The following NR5A1 variants were observed in gnomAD, a reference collection of about 807,000 sequenced individuals.
NR5A1 encodes the protein steroidogenic factor 1.
In NR5A1, 6 loss-of-function variants were observed where a neutral mutation model predicts 42.7. The observed-to-expected ratio is 0.14, with a 90% CI of 0.08 to 0.28. The LOEUF is 0.28. Ranked by LOEUF, NR5A1 falls within the 10% of genes least tolerant of loss-of-function variation. NR5A1 has a pLI of 1.00. For missense variants in NR5A1, 442 were observed against 626.4 expected (o/e 0.71, Z 3.14); for synonymous variants, 274 against 277.5 (o/e 0.99, Z 0.12).
At position 124,496,871 on chromosome 9, in the gene NR5A1, T is replaced by C. The variant is rs1832397554; in HGVS notation, c.870+3219A>G. ...GGTCCTCCCTTGCATCCTCCCAGCC[T>C]GTCCTTCGCAGTAAGTGACGAGAGG... On this transcript the variant is annotated intron_variant, in intron 4 of 6. Coordinates refer to ENST00000373588, the MANE Select transcript of NR5A1 (RefSeq NM_004959.5). This position sits in a 1 kb window ranked among gnomAD's most constrained non-coding sequence, Gnocchi z 5.0. Among the ~76,000 whole-genome samples the C allele has an allele frequency of 6.6e-6, 1 of 152,256 alleles. No homozygotes were observed. Among genetic ancestry groups the C allele is most frequent in the South Asian group, 2.1e-4 (1 of 4,836 alleles).
Position 124,503,477 on chromosome 9 carries a change from GC to G in NR5A1, c.-15-68del. The stretch of plus-strand genomic sequence containing the variant: ...GCAGCCTGGGGTCCCCGCGGCCGCC[GC>G]CCCAGCCGCTGTCGCCGGCCCGTCG... On this transcript the variant is annotated intron_variant, in intron 1 of 6. Transcript: ENST00000373588. The surrounding 1 kb of genome is among the most constrained non-coding windows in gnomAD (Gnocchi z 9.6). 2 of 1,330,104 alleles carry G rather than the reference GC, an allele frequency of 1.5e-6. No homozygotes were observed. The highest frequency in any genetic ancestry group is 2.1e-6 in the Non-Finnish European group (2 of 973,672). 82.4% of individuals were successfully genotyped at this position (1,330,104 alleles called of 1,614,324 possible).
At chr9:124,483,622 C>G (rs762704171) in intron 6 of NR5A1, among the ~76,000 whole-genome samples, 2 of 152,212 alleles carry the variant, frequency 1.3e-5, no homozygotes, top group African/African-American at 2.4e-5. Flanking sequence ...CAACACCATC[C>G]CCCTGGCACG....
At chr9:124,494,669 C>G (rs1396811728) in intron 4 of NR5A1, among the ~76,000 whole-genome samples, 1 of 152,064 alleles carries the variant, frequency 6.6e-6, no homozygotes, top group Non-Finnish European at 1.5e-5. Flanking sequence ...CACTGCCCAC[C>G]TGGGGCCAGA....
In NR5A1 at chr9:124,500,858, T is replaced by C; in HGVS notation, c.245-143A>G. On this transcript the variant is annotated intron_variant, in intron 3 of 6. Coordinates refer to ENST00000373588, the MANE Select transcript of NR5A1 (RefSeq NM_004959.5). The surrounding 1 kb of genome is among the most constrained non-coding windows in gnomAD (Gnocchi z 6.9). Reference sequence around the variant, plus strand: ...TGGCTCCCACTGACCACAGGGGAAGTCAGTCTCCTTTGCCTGGCATTCAAG... The same window carrying C: ...TGGCTCCCACTGACCACAGGGGAAGCCAGTCTCCTTTGCCTGGCATTCAAG... 1 of 1,322,716 alleles carries C rather than the reference T, an allele frequency of 7.6e-7. No individual in the cohort carries two copies. Among genetic ancestry groups the C allele is most frequent in the Non-Finnish European group, 1.1e-6 (1 of 933,024 alleles). The allele number at this position is 1,322,716 out of a possible 1,614,324, so 81.9% of individuals were successfully genotyped here. A position where few individuals can be genotyped will look rare whatever the true frequency, so the allele number is the denominator to read the frequency against.
At position 124,498,895 on chromosome 9, in the gene NR5A1, G is replaced by A. The variant is rs533246845; in HGVS notation, c.870+1195C>T. ...CAGTCCCGCGATGCCCCTAGGGCTCGGAGCACCCACCCCCACCTACCAGCC... is the reference window on the plus strand; with the variant it reads ...CAGTCCCGCGATGCCCCTAGGGCTCAGAGCACCCACCCCCACCTACCAGCC... On this transcript the variant is annotated intron_variant, in intron 4 of 6. Coordinates refer to ENST00000373588, the MANE Select transcript of NR5A1 (RefSeq NM_004959.5). This position sits in a 1 kb window ranked among gnomAD's most constrained non-coding sequence, Gnocchi z 4.6. 2.6e-5 allele frequency among the ~76,000 whole-genome samples: 4 copies of A among 152,164 alleles called. No homozygotes were observed. Among genetic ancestry groups the A allele is most frequent in the African/African-American group, 4.8e-5 (2 of 41,446 alleles).
chr9:124,494,472 C>A (rs1208979529), intron 4 of NR5A1, among the ~76,000 whole-genome samples: 1 of 152,232 alleles, frequency 6.6e-6, no homozygotes, highest in Non-Finnish European at 1.5e-5. Context: ...GAGGCCCTCT[C>A]CACCCTCTGG....
chr9:124,503,015 C>T lies in NR5A1; in HGVS notation c.244+64G>A. On this transcript the variant is annotated intron_variant, in intron 3 of 6. Coordinates refer to ENST00000373588, the MANE Select transcript of NR5A1 (RefSeq NM_004959.5). This position sits in a 1 kb window ranked among gnomAD's most constrained non-coding sequence, Gnocchi z 9.6. The stretch of plus-strand genomic sequence containing the variant: ...GGTACTATCCCCTCAGCCCCTCTCC[C>T]ACCCCCACCCCCTACCCCCTCAGGC... 1 of 1,526,054 alleles carries T rather than the reference C, an allele frequency of 6.6e-7. No individual in the cohort carries two copies. Among genetic ancestry groups the T allele is most frequent in the Non-Finnish European group, 8.8e-7 (1 of 1,141,482 alleles). 94.5% of individuals were successfully genotyped at this position (1,526,054 alleles called of 1,614,324 possible). A position where few individuals can be genotyped will look rare whatever the true frequency, so the allele number is the denominator to read the frequency against.
chr9:124,502,485 A>G (rs1832485258), intron 3 of NR5A1, among the ~76,000 whole-genome samples: 1 of 151,964 alleles, frequency 6.6e-6, no homozygotes. Flanking sequence ...ACATGTCACC[A>G]CGCCCAGCTA....
rs1480296933 is a variant in NR5A1, at chr9:124,498,206, G to A, written c.870+1884C>T. Among the ~76,000 whole-genome samples, 6 of 152,092 alleles carry A rather than the reference G, an allele frequency of 3.9e-5. No individual in the cohort carries two copies. The highest frequency in any genetic ancestry group is 1.4e-4 in the African/African-American group (6 of 41,408). On this transcript the variant is annotated intron_variant, in intron 4 of 6. Transcript: ENST00000373588. The surrounding 1 kb of genome is among the most constrained non-coding windows in gnomAD (Gnocchi z 4.6). ...CCACTTTTCTGTCTCCTCACCTCTG[G>A]ACTTTGCAAAGAGACACCAGCCCAG... is the stretch of plus-strand genomic sequence containing the variant.
In NR5A1 at chr9:124,482,431, C is replaced by G. The variant is rs1250221558; in HGVS notation, c.*327G>C. On this transcript the variant is annotated 3_prime_UTR_variant, in exon 7 of 7. Coordinates refer to ENST00000373588, the MANE Select transcript of NR5A1 (RefSeq NM_004959.5). The stretch of plus-strand genomic sequence containing the variant: ...CCACCAGGGAATCCCGAACCTCCTC[C>G]CCGGACCTGCAGGCTTCAGACTCCA... 2.5e-6 allele frequency: 1 copy of G among 400,854 alleles called. No homozygotes were observed. The highest frequency in any genetic ancestry group is 4.7e-6 in the Non-Finnish European group (1 of 210,686). 24.8% of individuals were successfully genotyped at this position (400,854 alleles called of 1,614,324 possible).
At chr9:124,490,037 T>G (rs1166402964) in intron 6 of NR5A1, among the ~76,000 whole-genome samples, 1 of 152,116 alleles carries the variant, frequency 6.6e-6, no homozygotes, top group Non-Finnish European at 1.5e-5. Context: ...ACTGTGACTA[T>G]AATGCCAGCC....
intron 1 of NR5A1, among the ~76,000 whole-genome samples, chr9:124,504,663 C>T (rs1476779760): frequency 6.6e-6 from 1 of 150,648 alleles, no homozygotes; most frequent in Admixed American, 6.6e-5. Flanking sequence ...ACGGCGGCTG[C>T]GGTCGGCCCG....
In NR5A1 at chr9:124,496,757, C is replaced by T. The variant is rs577836350; in HGVS notation, c.870+3333G>A. Among the ~76,000 whole-genome samples the T allele has an allele frequency of 1.4e-3, 213 of 152,332 alleles. No homozygotes were observed. Among genetic ancestry groups the T allele is most frequent in the African/African-American group, 4.7e-3 (195 of 41,570 alleles). Reference sequence around the variant, plus strand: ...CCGTCTATCTGGGCAGTTAAATCTGCTGTCAGTGGGGGCCTCGGAGCTGGA... The same window carrying T: ...CCGTCTATCTGGGCAGTTAAATCTGTTGTCAGTGGGGGCCTCGGAGCTGGA... On this transcript the variant is annotated intron_variant, in intron 4 of 6. Transcript: ENST00000373588. The surrounding 1 kb of genome is among the most constrained non-coding windows in gnomAD (Gnocchi z 5.0).
In NR5A1 at chr9:124,500,979, T is replaced by C. The variant is rs1320820315; in HGVS notation, c.245-264A>G. On this transcript the variant is annotated intron_variant, in intron 3 of 6. Coordinates refer to ENST00000373588, the MANE Select transcript of NR5A1 (RefSeq NM_004959.5). This position sits in a 1 kb window ranked among gnomAD's most constrained non-coding sequence, Gnocchi z 6.9. ...TCCTCTGTTTGACACATCTCCTTCCTCCTCCACCCTGCCTTTCATTTTCCT... is the reference window on the plus strand; with the variant it reads ...TCCTCTGTTTGACACATCTCCTTCCCCCTCCACCCTGCCTTTCATTTTCCT... The C allele has an allele frequency of 1.4e-6, 1 of 712,776 alleles. No homozygotes were observed. The highest frequency in any genetic ancestry group is 1.8e-5 in the African/African-American group (1 of 57,012). The allele number at this position is 712,776 out of a possible 1,614,324, so 44.2% of individuals were successfully genotyped here.
intron 4 of NR5A1, among the ~76,000 whole-genome samples, chr9:124,495,361 G>C (rs1832375901): frequency 6.6e-6 from 1 of 152,334 alleles, no homozygotes; most frequent in South Asian, 2.1e-4. Flanking sequence ...ACGGCGCCCA[G>C]TGTGGCACAG....
intron 6 of NR5A1, among the ~76,000 whole-genome samples, chr9:124,485,439 C>T (rs559349343): frequency 5.6e-4 from 85 of 152,278 alleles, no homozygotes; most frequent in Non-Finnish European, 1.0e-3. Flanking sequence ...GCCCCCAGCG[C>T]GCCTGCTGAG....
chr9:124,505,946 C>T (rs567063866), intron 1 of NR5A1, among the ~76,000 whole-genome samples: 3 of 150,912 alleles, frequency 2.0e-5, no homozygotes, highest in Non-Finnish European at 2.9e-5. Context: ...TCCGCCCCCG[C>T]TGGCACCTGG....
chr9:124,497,026 C>T (rs1832399180), intron 4 of NR5A1, among the ~76,000 whole-genome samples: 2 of 152,308 alleles, frequency 1.3e-5, no homozygotes, highest in South Asian at 2.1e-4. Context: ...CCAGAACAAT[C>T]GTGTGCTCAG....
intron 6 of NR5A1, among the ~76,000 whole-genome samples, chr9:124,490,060 C>A (rs1460561155): frequency 6.6e-6 from 1 of 152,192 alleles, no homozygotes; most frequent in African/African-American, 2.4e-5. Flanking sequence ...CAAGACAATA[C>A]CTTAATCCTG....
Sources: gnomAD v4.1 joint callset for allele counts (sites outside exome capture counted in the v4.1 genomes callset) on GRCh38, gnomAD v4.1.1 for gene constraint, Gnocchi (gnomAD v3.1) non-coding constraint, MANE v1.5 for transcripts, NCBI Gene and HGNC (gene_info 2026-07-23, HGNC 2026-07-21) for gene names.